Variants in GPC5 observed in about 807,000 individuals in gnomAD.
GPC5 encodes the protein glypican-5.
In GPC5, 47 loss-of-function variants were observed where a neutral mutation model predicts 53.9. That is an observed-to-expected ratio of 0.87 (90% CI 0.69 to 1.11). The LOEUF is 1.11. Among genes scored for constraint, GPC5 ranks in the 50% most tolerant of loss-of-function variants. GPC5 has a pLI of 0.00. For missense variants in GPC5, 748 were observed against 713.1 expected, an observed-to-expected ratio of 1.05 and a Z score of -0.56; for synonymous variants, 286 against 263.3, an observed-to-expected ratio of 1.09 and a Z score of -0.84.
chr13:91,463,576 CAT>C (rs1882063198), intron 2 of GPC5, among the ~76,000 whole-genome samples: 1 of 152,070 alleles, frequency 6.6e-6, no homozygotes, highest in South Asian at 2.1e-4. Flanking sequence ...AGTAATTAAA[CAT>C]GTGGTATTGA....
chr13:91,512,931 T>C (rs958041594), intron 2 of GPC5, among the ~76,000 whole-genome samples: 1 of 152,078 alleles, frequency 6.6e-6, no homozygotes, highest in Non-Finnish European at 1.5e-5. Context: ...AAAAAGTTTT[T>C]CTTGATAACT....
intron 5 of GPC5, among the ~76,000 whole-genome samples, chr13:91,882,797 G>A (rs756944973): frequency 2.0e-4 from 30 of 148,234 alleles, no homozygotes; most frequent in Non-Finnish European, 3.9e-4. Context: ...CTTGCTTATA[G>A]TTTCTTTATA....
chr13:92,845,441 AC>A (rs921059711), intron 7 of GPC5, among the ~76,000 whole-genome samples: 14 of 152,074 alleles, frequency 9.2e-5, no homozygotes, highest in African/African-American at 3.1e-4. Flanking sequence ...CAGGCTTGAA[AC>A]CCAGGAAAAA....
Position 91,503,048 on chromosome 13 carries a change from AAG to A in GPC5, c.325+54132_325+54133del, listed in dbSNP as rs559631071. On this transcript the variant is annotated intron_variant, in intron 2 of 7. Coordinates refer to ENST00000377067, the MANE Select transcript of GPC5 (RefSeq NM_004466.6). ...AGAAAAATAGTAATGAAGTCTAGAA[AAG>A]AGAGATAAAGATAAAAGTGGAGATA... 2.7e-3 allele frequency among the ~76,000 whole-genome samples: 413 copies of A among 152,328 alleles called. 1 individual carries two copies. Among genetic ancestry groups the A allele is most frequent in the African/African-American group, 9.4e-3 (393 of 41,588 alleles).
chr13:92,839,793 A>G (rs1878358772), intron 7 of GPC5, among the ~76,000 whole-genome samples: 1 of 152,034 alleles, frequency 6.6e-6, no homozygotes, highest in South Asian at 2.1e-4. Context: ...GCAATCAGTA[A>G]CAAGGGGGAT....
At chr13:92,443,467 C>T (rs1877661667) in intron 7 of GPC5, among the ~76,000 whole-genome samples, 1 of 152,110 alleles carries the variant, frequency 6.6e-6, no homozygotes, top group Non-Finnish European at 1.5e-5. Flanking sequence ...AAATCACCAA[C>T]TATGTTCCTG....
At chr13:91,776,656 T>C (rs950241852) in intron 5 of GPC5, among the ~76,000 whole-genome samples, 3 of 152,218 alleles carry the variant, frequency 2.0e-5, no homozygotes, top group African/African-American at 7.2e-5. Context: ...ATTATTTCCA[T>C]TGTTATGCTC....
At chr13:91,683,565 A>G (rs898140836) in intron 2 of GPC5, among the ~76,000 whole-genome samples, 1 of 152,072 alleles carries the variant, frequency 6.6e-6, no homozygotes, top group Non-Finnish European at 1.5e-5. Flanking sequence ...CCATGCTGCC[A>G]TTTACCAGAC....
chr13:91,967,795 G>C (rs978090670), intron 6 of GPC5, among the ~76,000 whole-genome samples: 1 of 152,072 alleles, frequency 6.6e-6, no homozygotes, highest in Admixed American at 6.6e-5. Flanking sequence ...TTATTAGCAT[G>C]TAATTTCAAC....
intron 2 of GPC5, among the ~76,000 whole-genome samples, chr13:91,489,723 C>T (rs565130556): frequency 1.3e-5 from 2 of 152,228 alleles, no homozygotes; most frequent in African/African-American, 4.8e-5. Context: ...CCCCACCTTC[C>T]TTTTAATAAG....
intron 2 of GPC5, among the ~76,000 whole-genome samples, chr13:91,678,229 C>T (rs1295935610): frequency 6.6e-6 from 1 of 152,136 alleles, no homozygotes; most frequent in Non-Finnish European, 1.5e-5. Context: ...TGACACTTGG[C>T]AATACGATCT....
rs561476008 is a variant in GPC5, at chr13:91,529,532, C to T, written c.325+80610C>T. Among the ~76,000 whole-genome samples, 18 of 152,258 alleles carry T rather than the reference C, an allele frequency of 1.2e-4. No homozygotes were observed. The East Asian group carries it at 3.3e-3, about 28-fold the overall frequency. Reference sequence around the variant, plus strand: ...AATAGAATACTAAAAGTATATACCTCGTATGGGTGTTTAAGGAAAAATCAA... The same window carrying T: ...AATAGAATACTAAAAGTATATACCTTGTATGGGTGTTTAAGGAAAAATCAA... On this transcript the variant is annotated intron_variant, in intron 2 of 7. Coordinates refer to ENST00000377067, the MANE Select transcript of GPC5 (RefSeq NM_004466.6).
intron 2 of GPC5, among the ~76,000 whole-genome samples, chr13:91,572,670 C>T (rs2031978917): frequency 6.6e-6 from 1 of 151,986 alleles, no homozygotes; most frequent in Non-Finnish European, 1.5e-5. Flanking sequence ...GGATCTGCCC[C>T]CATGACTCAA....
chr13:91,845,791 G>T (rs768191695), intron 5 of GPC5, among the ~76,000 whole-genome samples: 36 of 152,104 alleles, frequency 2.4e-4, no homozygotes, highest in Middle Eastern at 6.3e-3. Context: ...TTTAAGTGTT[G>T]TTATCGTTCC....
intron 2 of GPC5, among the ~76,000 whole-genome samples, chr13:91,562,414 GTATTGTCTAGCTAGCA>G (rs2031317525): frequency 6.6e-6 from 1 of 151,932 alleles, no homozygotes; most frequent in Admixed American, 6.6e-5. Context: ...TACACTGAAT[GTATTGTCTAGCTAGCA>G]TATGTTCTAT....
intron 7 of GPC5, among the ~76,000 whole-genome samples, chr13:92,490,709 T>C (rs1879729378): frequency 6.6e-6 from 1 of 152,132 alleles, no homozygotes; most frequent in Non-Finnish European, 1.5e-5. Flanking sequence ...CTAATTCTAA[T>C]ATTATCTTAT....
At chr13:92,791,407 G>T (rs1216451137) in intron 7 of GPC5, among the ~76,000 whole-genome samples, 1 of 146,542 alleles carries the variant, frequency 6.8e-6, no homozygotes, top group East Asian at 2.2e-4. Flanking sequence ...CTTTGTGAGT[G>T]TATGTGTGTG....
chr13:92,200,991 ACACACACACACACACACACG>A (rs2042290653), intron 7 of GPC5, among the ~76,000 whole-genome samples: 1 of 150,374 alleles, frequency 6.7e-6, no homozygotes, highest in Non-Finnish European at 1.5e-5. Context: ...ACACACACAC[ACACACACACACACACACACG>A]CACACACACG....
rs1259205006 is a variant in GPC5, at chr13:91,571,848, T to TAC, written c.326-121338_326-121337insCA. Reference sequence around the variant, plus strand: ...ATATATACACATATACTTGTGTGTATATACACATATACGTGTGTGTATATA... The same window carrying TAC: ...ATATATACACATATACTTGTGTGTATACATACACATATACGTGTGTGTATATA... On this transcript the variant is annotated intron_variant, in intron 2 of 7. Coordinates refer to ENST00000377067, the MANE Select transcript of GPC5 (RefSeq NM_004466.6). Among the ~76,000 whole-genome samples the TAC allele has an allele frequency of 1.2e-3, 109 of 88,518 alleles. 8 individuals carry two copies. Among genetic ancestry groups the TAC allele is most frequent in the African/African-American group, 3.8e-3 (45 of 11,722 alleles). 58.1% of individuals were successfully genotyped at this position (88,518 alleles called of 152,430 possible).
Sources: allele counts gnomAD v4.1 joint callset (sites outside exome capture counted in the v4.1 genomes callset), GRCh38; gene constraint gnomAD v4.1.1; transcripts MANE v1.5; gene names NCBI Gene and HGNC (gene_info 2026-07-23, HGNC 2026-07-21).